The following TAS2R1 variants were observed in gnomAD, a reference collection of about 807,000 sequenced individuals.
TAS2R1 encodes the protein taste 2 receptor member 1, also known as taste receptor type 2 member 1.
For synonymous variants in TAS2R1, 141 were observed against 134.2 expected (o/e 1.05, Z -0.35); for missense variants, 370 against 353.4 (o/e 1.05, Z -0.38).
At chr5:9,783,652 A>C in the TAS2R1 span, among the ~76,000 whole-genome samples, 2 of 152,220 alleles carry the variant, frequency 1.3e-5, no homozygotes, top group Admixed American at 1.3e-4. Context: ...TTTTTAATGG[A>C]ATAAGAATAT....
the TAS2R1 span, among the ~76,000 whole-genome samples, chr5:9,842,077 C>T: frequency 1.8e-3 from 272 of 152,216 alleles, 1 homozygote; most frequent in South Asian, 4.6e-3. Flanking sequence ...GTCAAATTCC[C>T]GACCAGGAAA....
At chr5:9,810,708 G>A in the TAS2R1 span, among the ~76,000 whole-genome samples, 88 of 152,216 alleles carry the variant, frequency 5.8e-4, no homozygotes, top group African/African-American at 1.9e-3. Flanking sequence ...AGAAGGAGGA[G>A]GATCCATAAT....
At chr5:9,648,762 G>A (rs751281901) in intron 2 of TAS2R1, among the ~76,000 whole-genome samples, 11 of 151,942 alleles carry the variant, frequency 7.2e-5, no homozygotes, top group Non-Finnish European at 1.6e-4. Flanking sequence ...TATCATGGCC[G>A]ACCAGTGACC....
upstream of TAS2R1, among the ~76,000 whole-genome samples, chr5:9,714,463 A>G (rs1734765813): frequency 6.6e-6 from 1 of 152,192 alleles, no homozygotes; most frequent in Non-Finnish European, 1.5e-5. Context: ...AGCCAGTGCT[A>G]CACCATATCC....
At chr5:9,748,245 T>A in the TAS2R1 span, among the ~76,000 whole-genome samples, 1 of 152,148 alleles carries the variant, frequency 6.6e-6, no homozygotes, top group Non-Finnish European at 1.5e-5. Context: ...ATTTATTTAT[T>A]TATTTGAGAC....
intron 1 of TAS2R1, among the ~76,000 whole-genome samples, chr5:9,660,220 G>A (rs1216330668): frequency 2.4e-5 from 3 of 123,856 alleles, no homozygotes; most frequent in South Asian, 3.0e-4. Flanking sequence ...CACCGCTCCC[G>A]GCTAATTTTT....
chr5:9,867,834 C>T, the TAS2R1 span, among the ~76,000 whole-genome samples: 1 of 152,184 alleles, frequency 6.6e-6, no homozygotes, highest in African/African-American at 2.4e-5. Flanking sequence ...TTCCTACATA[C>T]AATGGGGATA....
At chr5:9,818,128 A>T in the TAS2R1 span, among the ~76,000 whole-genome samples, 1 of 152,190 alleles carries the variant, frequency 6.6e-6, no homozygotes, top group Non-Finnish European at 1.5e-5. Flanking sequence ...TGAGAGACAG[A>T]CACAGGACTC....
intron 1 of TAS2R1, among the ~76,000 whole-genome samples, chr5:9,683,495 C>T (rs1235194181): frequency 6.6e-6 from 1 of 152,180 alleles, no homozygotes; most frequent in Non-Finnish European, 1.5e-5. Flanking sequence ...AAGCCTGCAA[C>T]ACATCCTAAT....
chr5:9,792,453 A>C, the TAS2R1 span, among the ~76,000 whole-genome samples: 2 of 152,198 alleles, frequency 1.3e-5, no homozygotes, highest in African/African-American at 4.8e-5. Context: ...TATAACTTTG[A>C]AATGTCTGAC....
chr5:9,770,718 A>G, the TAS2R1 span, among the ~76,000 whole-genome samples: 1 of 152,208 alleles, frequency 6.6e-6, no homozygotes, highest in African/African-American at 2.4e-5. Flanking sequence ...GTTGGCATAT[A>G]GAAAAGGTAC....
At chr5:9,749,147 A>C in the TAS2R1 span, among the ~76,000 whole-genome samples, 1 of 152,212 alleles carries the variant, frequency 6.6e-6, no homozygotes, top group Non-Finnish European at 1.5e-5. Context: ...AATTTTACTC[A>C]GAAGACTCTA....
chr5:9,689,638 G>A (rs973466572), intron 1 of TAS2R1, among the ~76,000 whole-genome samples: 1 of 151,946 alleles, frequency 6.6e-6, no homozygotes, highest in African/African-American at 2.4e-5. Flanking sequence ...AGGCTTGAGA[G>A]TCTTTTGTTT....
At chr5:9,830,603 G>A in the TAS2R1 span, among the ~76,000 whole-genome samples, 1 of 59,906 alleles carries the variant, frequency 1.7e-5, no homozygotes, top group South Asian at 8.3e-4. Context: ...ACACGTGCGC[G>A]CGCACACACA....
the TAS2R1 span, among the ~76,000 whole-genome samples, chr5:9,860,966 C>G: frequency 6.8e-6 from 1 of 147,518 alleles, no homozygotes; most frequent in Non-Finnish European, 1.5e-5. Flanking sequence ...AAAGTAAGGG[C>G]CTTTTTTTTT....
At chr5:9,812,514 A>G in the TAS2R1 span, among the ~76,000 whole-genome samples, 1 of 152,086 alleles carries the variant, frequency 6.6e-6, no homozygotes, top group South Asian at 2.1e-4. Flanking sequence ...AACTATGGCC[A>G]AAGTCACAGA....
At chr5:9,790,119 G>A in the TAS2R1 span, among the ~76,000 whole-genome samples, 36,643 of 152,178 alleles carry the variant, frequency 0.24, 5,076 homozygotes, top group Middle Eastern at 0.43. Context: ...GACAGGCCCT[G>A]GAGGGAGGGA....
At chr5:9,757,519 C>G in the TAS2R1 span, among the ~76,000 whole-genome samples, 5 of 152,084 alleles carry the variant, frequency 3.3e-5, no homozygotes, top group African/African-American at 4.8e-5. Flanking sequence ...CACAGCCACC[C>G]CTTTTACATC....
chr5:9,694,422 C>CA (rs1289182084), intron 1 of TAS2R1, among the ~76,000 whole-genome samples: 1 of 152,004 alleles, frequency 6.6e-6, no homozygotes, highest in Non-Finnish European at 1.5e-5. Context: ...TTTTTGTACA[C>CA]AAAAAAGTAA....
Sources: allele counts gnomAD v4.1 joint callset (sites outside exome capture counted in the v4.1 genomes callset), GRCh38; gene constraint gnomAD v4.1.1; transcripts MANE v1.5; gene names NCBI Gene and HGNC (gene_info 2026-07-23, HGNC 2026-07-21).